ANKH: variants seen among roughly 807,000 people sequenced by gnomAD.
The protein encoded by ANKH is ANKH inorganic pyrophosphate transport regulator.
A neutral mutation model predicts 49.0 loss-of-function variants in ANKH; 15 were observed. The ratio of observed to expected loss-of-function variants is 0.31; its 90% CI spans 0.20 to 0.47. The LOEUF is 0.47. Among genes scored for constraint, ANKH ranks in the 20% least tolerant of loss-of-function variants. The pLI is 1.00. For missense variants in ANKH, 429 were observed against 652.0 expected, an observed-to-expected ratio of 0.66 and a Z score of 3.72; for synonymous variants, 273 against 260.0, an observed-to-expected ratio of 1.05 and a Z score of -0.48.
intron 1 of ANKH, among the ~76,000 whole-genome samples, chr5:14,781,388 T>C (rs925420324): frequency 1.8e-4 from 27 of 152,142 alleles, no homozygotes; most frequent in African/African-American, 5.6e-4. Context: ...CAAGACAACA[T>C]TGGGCAAGTC....
At chr5:14,712,251 G>A (rs374085533) in intron 11 of ANKH, among the ~76,000 whole-genome samples, 1 of 152,214 alleles carries the variant, frequency 6.6e-6, no homozygotes, top group Non-Finnish European at 1.5e-5. Flanking sequence ...TGGCCTGGCC[G>A]TCACTCTGCT....
At chr5:14,799,308 G>A (rs1407466064) in intron 1 of ANKH, among the ~76,000 whole-genome samples, 2 of 152,226 alleles carry the variant, frequency 1.3e-5, no homozygotes, top group African/African-American at 2.4e-5. Flanking sequence ...AGGTAAAGCA[G>A]CAAGTGCTTA....
At chr5:14,868,844 C>T (rs942647871) in intron 1 of ANKH, 2 of 152,110 alleles carry the variant, frequency 1.3e-5, no homozygotes, top group Admixed American at 6.6e-5. Context: ...GGATTGATCT[C>T]CCCAAGTGCT....
intron 2 of ANKH, among the ~76,000 whole-genome samples, chr5:14,766,704 T>C (rs1481068791): frequency 2.0e-5 from 3 of 152,258 alleles, no homozygotes; most frequent in East Asian, 3.8e-4. Flanking sequence ...ATGTATCTGA[T>C]TTATATTCCC....
intron 1 of ANKH, among the ~76,000 whole-genome samples, chr5:14,832,030 C>T (rs1438692471): frequency 6.6e-6 from 1 of 152,150 alleles, no homozygotes; most frequent in Admixed American, 6.6e-5. Context: ...TTCTCAACAG[C>T]TCATAATACC....
intron 1 of ANKH, among the ~76,000 whole-genome samples, chr5:14,804,994 G>A (rs940165340): frequency 3.3e-5 from 5 of 152,086 alleles, no homozygotes; most frequent in East Asian, 1.9e-4. Context: ...TTGCTGTGAC[G>A]GTTAATACTG....
rs963199280 is a variant in ANKH, at chr5:14,737,875, T to A, written c.1011+3952A>T. Among the ~76,000 whole-genome samples the A allele has an allele frequency of 3.9e-5, 6 of 152,200 alleles. No individual in the cohort carries two copies. The highest frequency in any genetic ancestry group is 7.3e-5 in the Non-Finnish European group (5 of 68,044). On this transcript the variant is annotated intron_variant, in intron 8 of 11. Transcript: ENST00000284268. The surrounding 1 kb of genome is among the most constrained non-coding windows in gnomAD (Gnocchi z 5.0). ...ACTGTTTTGAAGCCAATCTTTTGGA[T>A]CAACTAAAGGTACCCCCTTTCTCAT...
rs1737297901 is a variant in ANKH, at chr5:14,713,064, T to A, written c.1266-91A>T. ...AAAACCCAGGAAAGTAAGTGTAGCCTCGAGACGGCTGAGACCAGCGGCGTT... is the reference window on the plus strand; with the variant it reads ...AAAACCCAGGAAAGTAAGTGTAGCCACGAGACGGCTGAGACCAGCGGCGTT... On this transcript the variant is annotated intron_variant, in intron 10 of 11. Coordinates refer to ENST00000284268, the MANE Select transcript of ANKH (RefSeq NM_054027.6). The surrounding 1 kb of genome is among the most constrained non-coding windows in gnomAD (Gnocchi z 4.4). The A allele has an allele frequency of 7.9e-7, 1 of 1,264,398 alleles. No homozygotes were observed. The highest frequency in any genetic ancestry group is 1.5e-5 in the African/African-American group (1 of 67,758). The allele number at this position is 1,264,398 out of a possible 1,614,324, so 78.3% of individuals were successfully genotyped here. A position where few individuals can be genotyped will look rare whatever the true frequency, so the allele number is the denominator to read the frequency against.
chr5:14,825,296 T>C (rs1580097634), intron 1 of ANKH, among the ~76,000 whole-genome samples: 2 of 152,372 alleles, frequency 1.3e-5, no homozygotes, highest in East Asian at 1.9e-4. Flanking sequence ...TCTACTACTA[T>C]ACATCTACAG....
chr5:14,716,949 A>G (rs1300628989), intron 8 of ANKH, 114 bp from the exon 9 acceptor site: 2 of 1,381,368 alleles, frequency 1.4e-6, no homozygotes, highest in Admixed American at 1.8e-5. Flanking sequence ...AACCGGCCTG[A>G]CTGGGTGGTG....
chr5:14,721,096 G>A (rs927850467), intron 8 of ANKH, among the ~76,000 whole-genome samples: 2 of 152,210 alleles, frequency 1.3e-5, no homozygotes, highest in African/African-American at 4.8e-5. Context: ...TTGACACATT[G>A]ACATCAGTAT....
At chr5:14,830,520 T>TGA (rs1297670196) in intron 1 of ANKH, among the ~76,000 whole-genome samples, 11 of 151,382 alleles carry the variant, frequency 7.3e-5, no homozygotes, top group Admixed American at 6.6e-5. Context: ...AGTGTGTGTG[T>TGA]GTGTGTGTGT....
intron 1 of ANKH, among the ~76,000 whole-genome samples, chr5:14,783,516 T>C (rs575518865): frequency 4.7e-4 from 72 of 152,286 alleles, no homozygotes; most frequent in Admixed American, 7.2e-4. Context: ...AGTATTCTAG[T>C]TGAAGTAAAA....
chr5:14,807,362 G>C (rs993484505), intron 1 of ANKH, among the ~76,000 whole-genome samples: 1 of 152,034 alleles, frequency 6.6e-6, no homozygotes, highest in Non-Finnish European at 1.5e-5. Context: ...TGATCCACCC[G>C]CCTTGGCCTC....
chr5:14,711,012 T>TC lies in ANKH; in HGVS notation c.*184dup. 4 of 638,506 alleles carry TC rather than the reference T, an allele frequency of 6.3e-6. No individual in the cohort carries two copies. The highest frequency in any genetic ancestry group is 3.5e-5 in the South Asian group (2 of 57,736). The allele number at this position is 638,506 out of a possible 1,614,324, so 39.6% of individuals were successfully genotyped here. ...GCAACAGTAAAGACCATTCACTAGGTCCCCCCGTCAGTGTGAGCATACCCA... is the reference window on the plus strand; with the variant it reads ...GCAACAGTAAAGACCATTCACTAGGTCCCCCCCGTCAGTGTGAGCATACCCA... On this transcript the variant is annotated 3_prime_UTR_variant, in exon 12 of 12. Transcript: ENST00000284268.
At chr5:14,775,846 G>A (rs1032512666) in intron 1 of ANKH, among the ~76,000 whole-genome samples, 13 of 152,228 alleles carry the variant, frequency 8.5e-5, no homozygotes, top group South Asian at 8.3e-4. Context: ...TCTGGGCAGA[G>A]GCAGGACAGG....
At chr5:14,731,537 G>A (rs1401839763) in intron 8 of ANKH, among the ~76,000 whole-genome samples, 3 of 152,224 alleles carry the variant, frequency 2.0e-5, no homozygotes, top group Non-Finnish European at 4.4e-5. Flanking sequence ...GCCAGGAAGA[G>A]CAAACCCAGC....
At chr5:14,748,501 AAGCCAAT>A (rs1738610222) in intron 6 of ANKH, among the ~76,000 whole-genome samples, 1 of 152,232 alleles carries the variant, frequency 6.6e-6, no homozygotes, top group African/African-American at 2.4e-5. Flanking sequence ...GTGGAGGAGG[AAGCCAAT>A]GAAGTAATTC....
chr5:14,711,103 AAAAAG>A lies in ANKH; in HGVS notation c.*89_*93del, dbSNP rs1737168575. ...TCTTTCATTACCAAAACAAAACAAAAAAAAGGGAACAAAATACGATGGGAGAGGGA... is the reference window on the plus strand; with the variant it reads ...TCTTTCATTACCAAAACAAAACAAAAGGAACAAAATACGATGGGAGAGGGA... On this transcript the variant is annotated 3_prime_UTR_variant, in exon 12 of 12. Coordinates refer to ENST00000284268, the MANE Select transcript of ANKH (RefSeq NM_054027.6). 1.7e-6 allele frequency: 2 copies of A among 1,176,776 alleles called. No homozygotes were observed. Among genetic ancestry groups the A allele is most frequent in the Non-Finnish European group, 2.5e-6 (2 of 785,164 alleles). The allele number at this position is 1,176,776 out of a possible 1,614,324, so 72.9% of individuals were successfully genotyped here.
Sources: allele counts gnomAD v4.1 joint callset (sites outside exome capture counted in the v4.1 genomes callset), GRCh38; gene constraint gnomAD v4.1.1; non-coding constraint Gnocchi (gnomAD v3.1); transcripts MANE v1.5; gene names NCBI Gene and HGNC (gene_info 2026-07-23, HGNC 2026-07-21).